UBE2D2: variants seen among roughly 807,000 people sequenced by gnomAD.
UBE2D2 encodes ubiquitin conjugating enzyme E2 D2.
A neutral mutation model predicts 24.2 loss-of-function variants in UBE2D2; 2 were observed. The ratio of observed to expected loss-of-function variants is 0.08; its 90% CI spans 0.03 to 0.26. The LOEUF (loss-of-function observed/expected upper bound fraction) is 0.26. Ranked by LOEUF, UBE2D2 falls within the 10% of genes least tolerant of loss-of-function variation. UBE2D2 has a pLI of 1.00. For synonymous variants in UBE2D2, 58 were observed against 56.5 expected, an observed-to-expected ratio of 1.03 and a Z score of -0.12; for missense variants, 44 against 177.6, an observed-to-expected ratio of 0.25 and a Z score of 4.28.
chr5:139,543,037 C>T (rs1752779165), intron 1 of UBE2D2, among the ~76,000 whole-genome samples: 1 of 152,162 alleles, frequency 6.6e-6, no homozygotes, highest in African/African-American at 2.4e-5. Flanking sequence ...GCTGGGACTA[C>T]AGGCGCGCGC....
Position 139,586,101 on chromosome 5 carries a change from A to G in UBE2D2, c.25-14271A>G, listed in dbSNP as rs137975798. Among the ~76,000 whole-genome samples the G allele has an allele frequency of 3.4e-3, 510 of 152,094 alleles. 3 individuals carry two copies. The highest frequency in any genetic ancestry group is 0.011 in the African/African-American group (475 of 41,536). ...TTTTCATCCTAAGAAAGATAAGTCT[A>G]TTCTTTTTAATTGCAAATGTTTAAT... On this transcript the variant is annotated intron_variant, in intron 1 of 6. Coordinates refer to ENST00000398733, the MANE Select transcript of UBE2D2 (RefSeq NM_003339.3).
At chr5:139,590,736 T>C (rs1329346701) in intron 1 of UBE2D2, among the ~76,000 whole-genome samples, 3 of 146,696 alleles carry the variant, frequency 2.0e-5, no homozygotes, top group Non-Finnish European at 4.5e-5. Flanking sequence ...ATGTTAAGAC[T>C]GGGCCAAGCT....
rs1366436195 is a variant in UBE2D2, at chr5:139,628,352, C to T, written c.*1551C>T. ...CAACCTGAAAGCCATGGCTGATGCTCTAGCCATCAGGTTCTTTCAAATGCA... is the reference window on the plus strand; with the variant it reads ...CAACCTGAAAGCCATGGCTGATGCTTTAGCCATCAGGTTCTTTCAAATGCA... On this transcript the variant is annotated 3_prime_UTR_variant, in exon 7 of 7. Transcript: ENST00000398733. 1 of 152,628 alleles carries T rather than the reference C, an allele frequency of 6.6e-6. No individual in the cohort carries two copies. The highest frequency in any genetic ancestry group is 2.4e-5 in the African/African-American group (1 of 41,456). The allele number at this position is 152,628 out of a possible 1,614,324, so 9.5% of individuals were successfully genotyped here.
At position 139,555,889 on chromosome 5, in the gene UBE2D2, G is replaced by C. The variant is rs75557712; in HGVS notation, c.-64+29277G>C. On this transcript the variant is annotated intron_variant, in intron 1 of 6. Transcript: ENST00000511725. The stretch of plus-strand genomic sequence containing the variant: ...TGCAGTGAGCTGAGATCACGCCACT[G>C]CACTCCAGCCTGGTGACAAAGGAAG... Among the ~76,000 whole-genome samples the C allele has an allele frequency of 4.8e-4, 57 of 118,166 alleles. No homozygotes were observed. In the East Asian group the frequency reaches 0.014, roughly 29 times the overall value. 77.5% of individuals were successfully genotyped at this position (118,166 alleles called of 152,430 possible). A position where few individuals can be genotyped will look rare whatever the true frequency, so the allele number is the denominator to read the frequency against.
intron 1 of UBE2D2, among the ~76,000 whole-genome samples, chr5:139,577,142 A>G (rs1753490671): frequency 6.6e-6 from 1 of 151,602 alleles, no homozygotes; most frequent in Non-Finnish European, 1.5e-5. Flanking sequence ...CATTTTGAAC[A>G]CTCTAGGTTA....
intron 2 of UBE2D2, 49 bp from the exon 3 acceptor site, chr5:139,614,537 T>C (rs1581530693): frequency 3.8e-6 from 6 of 1,594,580 alleles, no homozygotes. Context: ...ATGGCGTAGA[T>C]ACAATGTAGA....
At chr5:139,562,379 G>A in intron 1 of UBE2D2, 1 of 1,330,388 alleles carries the variant, frequency 7.5e-7, no homozygotes, top group Non-Finnish European at 9.9e-7. Context: ...AAACTGTTAA[G>A]AGTTGGAAGT....
At chr5:139,562,457 T>G (rs1226166443) in intron 1 of UBE2D2, 1 of 1,282,726 alleles carries the variant, frequency 7.8e-7, no homozygotes, top group Admixed American at 2.5e-5. Flanking sequence ...TTTTATTCCT[T>G]GAGGTTGCTG....
At chr5:139,625,284 T>G (rs1754595817) in intron 6 of UBE2D2, among the ~76,000 whole-genome samples, 1 of 133,398 alleles carries the variant, frequency 7.5e-6, no homozygotes, top group Non-Finnish European at 1.7e-5. Flanking sequence ...TTGTTTTTTT[T>G]TTTTTTTTTT....
At chr5:139,623,014 C>A (rs1450592763) in intron 5 of UBE2D2, among the ~76,000 whole-genome samples, 1 of 151,796 alleles carries the variant, frequency 6.6e-6, no homozygotes, top group Non-Finnish European at 1.5e-5. Context: ...CCAGCCTGAC[C>A]AACATGGCGA....
At chr5:139,567,529 G>GT (rs33998713) in intron 1 of UBE2D2, among the ~76,000 whole-genome samples, 32,430 of 100,156 alleles carry the variant, frequency 0.32, 7,156 homozygotes, top group African/African-American at 0.54. Flanking sequence ...AATTTGCTAA[G>GT]TTTTTTTTTT....
chr5:139,603,811 G>A (rs553855197), intron 2 of UBE2D2, among the ~76,000 whole-genome samples: 2 of 151,730 alleles, frequency 1.3e-5, no homozygotes, highest in African/African-American at 4.8e-5. Flanking sequence ...TTAGCCAGGT[G>A]TGGTGGTGGG....
chr5:139,542,439 G>C (rs375855011), intron 1 of UBE2D2, among the ~76,000 whole-genome samples: 27 of 151,986 alleles, frequency 1.8e-4, no homozygotes, highest in Middle Eastern at 3.4e-3. Flanking sequence ...GCAGGATCTC[G>C]GCTCACTGCA....
chr5:139,608,832 CT>C (rs933929495), intron 2 of UBE2D2, among the ~76,000 whole-genome samples: 23 of 152,172 alleles, frequency 1.5e-4, no homozygotes, highest in Admixed American at 1.2e-3. Context: ...TGCCTGTAAT[CT>C]CAGCACTTTG....
At chr5:139,535,470 A>T (rs1167225368) in intron 1 of UBE2D2, among the ~76,000 whole-genome samples, 1 of 150,666 alleles carries the variant, frequency 6.6e-6, no homozygotes. Context: ...AAAAAACAAA[A>T]AAACAAAAAT....
At chr5:139,561,924 G>A in intron 1 of UBE2D2, 109 bp downstream of exon 1, 1 of 1,396,244 alleles carries the variant, frequency 7.2e-7, no homozygotes, top group Non-Finnish European at 9.4e-7. Context: ...CTTGCTGCCG[G>A]TGCTGGCCCC....
intron 2 of UBE2D2, among the ~76,000 whole-genome samples, chr5:139,602,527 A>G (rs1181170022): frequency 6.6e-6 from 1 of 152,050 alleles, no homozygotes; most frequent in Non-Finnish European, 1.5e-5. Context: ...AAAATACAAA[A>G]ATTAGCCTGG....
intron 1 of UBE2D2, among the ~76,000 whole-genome samples, chr5:139,533,602 G>C (rs1752625775): frequency 6.6e-6 from 1 of 151,144 alleles, no homozygotes; most frequent in Admixed American, 6.6e-5. Flanking sequence ...GTGAGCCCAA[G>C]ATCGCGCCAT....
chr5:139,626,076 C>G (rs1348940214), intron 6 of UBE2D2, among the ~76,000 whole-genome samples: 2 of 151,770 alleles, frequency 1.3e-5, no homozygotes, highest in African/African-American at 4.8e-5. Context: ...TTTTTTTCCC[C>G]CTTTTTTTTT....
Sources: allele counts gnomAD v4.1 joint callset (sites outside exome capture counted in the v4.1 genomes callset), GRCh38; gene constraint gnomAD v4.1.1; transcripts MANE v1.5; gene names NCBI Gene and HGNC (gene_info 2026-07-23, HGNC 2026-07-21).